Variants in DCC observed in about 807,000 individuals in gnomAD.
DCC encodes the protein netrin receptor DCC.
In DCC, 58 loss-of-function variants were observed where a neutral mutation model predicts 172.5. That is an observed-to-expected ratio of 0.34 (90% CI 0.27 to 0.42). The LOEUF (loss-of-function observed/expected upper bound fraction) is 0.42, where lower values mean the gene tolerates loss of function less well. DCC is among the 10% of genes least tolerant of loss of function. The probability of loss-of-function intolerance (pLI) is 1.00; values close to 1 mark genes in which losing one functional copy is unlikely to be tolerated. For synonymous variants in DCC, 709 were observed against 644.5 expected, an observed-to-expected ratio of 1.10 and a Z score of -1.52; for missense variants, 1,740 against 1,791.0, an observed-to-expected ratio of 0.97 and a Z score of 0.51.
chr18:52,471,282 C>T (rs556662514), intron 1 of DCC, among the ~76,000 whole-genome samples: 20 of 152,148 alleles, frequency 1.3e-4, no homozygotes, highest in African/African-American at 3.9e-4. Context: ...CCCAGGAAGC[C>T]GAGGCTGCAG....
chr18:52,754,060 T>C (rs965306899), intron 2 of DCC: 2 of 152,206 alleles, frequency 1.3e-5, no homozygotes, highest in Non-Finnish European at 2.9e-5. Context: ...TAGTCATTTG[T>C]TATGGGTTTT....
chr18:52,807,222 C>T lies in DCC; in HGVS notation c.412+54848C>T, dbSNP rs148876142. On this transcript the variant is annotated intron_variant, in intron 2 of 28. Coordinates refer to ENST00000442544, the MANE Select transcript of DCC (RefSeq NM_005215.4). ...AATTCAGAGTTAAGGTGGAGTGGTA[C>T]TTTACCTAGGTCACATAGGCATTAT... 3.6e-3 allele frequency among the ~76,000 whole-genome samples: 555 copies of T among 152,248 alleles called. 4 individuals carry two copies. The highest frequency in any genetic ancestry group is 0.013 in the African/African-American group (523 of 41,562).
chr18:52,922,154 G>T (rs1182668288), intron 3 of DCC, among the ~76,000 whole-genome samples: 1 of 152,064 alleles, frequency 6.6e-6, no homozygotes, highest in Non-Finnish European at 1.5e-5. Context: ...AACACATTTG[G>T]AAAATGTTCT....
intron 26 of DCC, among the ~76,000 whole-genome samples, chr18:53,493,374 AGTG>A (rs1017184417): frequency 5.7e-4 from 87 of 152,216 alleles, no homozygotes; most frequent in African/African-American, 2.0e-3. Flanking sequence ...GAATAGGAGT[AGTG>A]AGAGAGAGGG....
At chr18:52,403,811 A>G (rs1423245270) in intron 1 of DCC, among the ~76,000 whole-genome samples, 1 of 152,080 alleles carries the variant, frequency 6.6e-6, no homozygotes, top group Non-Finnish European at 1.5e-5. Flanking sequence ...CCTCAGCAGC[A>G]CTTGATGCCA....
intron 1 of DCC, among the ~76,000 whole-genome samples, chr18:52,713,879 G>A (rs2036336901): frequency 6.6e-6 from 1 of 152,166 alleles, no homozygotes; most frequent in Non-Finnish European, 1.5e-5. Flanking sequence ...TGTCAGGGCA[G>A]ACCAAAAGTA....
At chr18:52,379,847 C>T (rs1985510956) in intron 1 of DCC, among the ~76,000 whole-genome samples, 1 of 152,138 alleles carries the variant, frequency 6.6e-6, no homozygotes, top group Non-Finnish European at 1.5e-5. Context: ...TTCTTGAGGT[C>T]CTCACATTTA....
intron 7 of DCC, among the ~76,000 whole-genome samples, chr18:53,088,342 G>C (rs955098460): frequency 6.6e-6 from 1 of 152,086 alleles, no homozygotes; most frequent in Non-Finnish European, 1.5e-5. Flanking sequence ...TGTATTCCTA[G>C]GTATTTCATT....
chr18:53,340,727 AG>A (rs2144871907), intron 15 of DCC, among the ~76,000 whole-genome samples: 1 of 152,300 alleles, frequency 6.6e-6, no homozygotes, highest in South Asian at 2.1e-4. Context: ...GATGCCAGTA[AG>A]TTAAACAATT....
At position 53,182,473 on chromosome 18, in the gene DCC, G is replaced by T. The variant is rs563285729; in HGVS notation, c.1573+3357G>T. Among the ~76,000 whole-genome samples the T allele has an allele frequency of 2.0e-5, 3 of 152,294 alleles. No homozygotes were observed. In the East Asian group the frequency reaches 5.8e-4, roughly 29 times the overall value. ...TAGATAAGTAGTTAGGAATAAAGTA[G>T]CCTGCATAAACAAGACATTCAGAAT... On this transcript the variant is annotated intron_variant, in intron 9 of 28. Coordinates refer to ENST00000442544, the MANE Select transcript of DCC (RefSeq NM_005215.4).
chr18:52,507,284 A>G (rs1006296329), intron 1 of DCC, among the ~76,000 whole-genome samples: 1 of 152,148 alleles, frequency 6.6e-6, no homozygotes, highest in Admixed American at 6.6e-5. Flanking sequence ...CAGGACTAAG[A>G]TGTTATTTTT....
At chr18:52,944,056 C>CTT (rs895187871) in intron 5 of DCC, among the ~76,000 whole-genome samples, 2 of 152,226 alleles carry the variant, frequency 1.3e-5, no homozygotes, top group African/African-American at 4.8e-5. Context: ...CCACCTCTGG[C>CTT]TTGACAACTA....
chr18:52,629,689 G>A (rs578228294), intron 1 of DCC, among the ~76,000 whole-genome samples: 37 of 152,082 alleles, frequency 2.4e-4, no homozygotes, highest in African/African-American at 8.2e-4. Flanking sequence ...GGTGGCTCAC[G>A]CCTGTAATCC....
chr18:53,468,942 G>T (rs183580688), intron 25 of DCC, among the ~76,000 whole-genome samples: 1 of 152,118 alleles, frequency 6.6e-6, no homozygotes, highest in Admixed American at 6.5e-5. Context: ...CCTCTATGTT[G>T]CCTGCAAAGA....
intron 2 of DCC, among the ~76,000 whole-genome samples, chr18:52,868,762 C>T (rs973660424): frequency 6.6e-6 from 1 of 152,198 alleles, no homozygotes; most frequent in African/African-American, 2.4e-5. Context: ...CTGGCCTGAA[C>T]CCCCTGCCTC....
At chr18:53,407,665 T>A (rs1436642974) in intron 19 of DCC, among the ~76,000 whole-genome samples, 2 of 150,396 alleles carry the variant, frequency 1.3e-5, no homozygotes, top group African/African-American at 2.4e-5. Flanking sequence ...CTTAGATATA[T>A]TACATAGTAA....
intron 2 of DCC, among the ~76,000 whole-genome samples, chr18:52,793,382 A>G (rs1249520733): frequency 6.6e-6 from 1 of 152,210 alleles, no homozygotes; most frequent in Non-Finnish European, 1.5e-5. Context: ...GCTATTTATT[A>G]GAAAATGATT....
chr18:53,297,452 C>T (rs550729298), intron 12 of DCC, among the ~76,000 whole-genome samples: 1 of 152,232 alleles, frequency 6.6e-6, no homozygotes, highest in South Asian at 2.1e-4. Context: ...TCGGATAGAA[C>T]ACTGCAAGTG....
intron 7 of DCC, among the ~76,000 whole-genome samples, chr18:53,079,473 A>G (rs2042768392): frequency 6.6e-6 from 1 of 152,166 alleles, no homozygotes; most frequent in South Asian, 2.1e-4. Flanking sequence ...TAACAACACT[A>G]AAACCTCATA....
Sources: gnomAD v4.1 joint callset for allele counts (sites outside exome capture counted in the v4.1 genomes callset) on GRCh38, gnomAD v4.1.1 for gene constraint, MANE v1.5 for transcripts, NCBI Gene and HGNC (gene_info 2026-07-23, HGNC 2026-07-21) for gene names.